The following FAR2 variants were observed in gnomAD, a reference collection of about 807,000 sequenced individuals.
FAR2 encodes fatty acyl-CoA reductase 2.
In FAR2, 19 loss-of-function variants were observed where a neutral mutation model predicts 56.0. The observed-to-expected ratio is 0.34, with a 90% CI of 0.24 to 0.50. The LOEUF is 0.50. FAR2 is among the 20% of genes least tolerant of loss of function. FAR2 has a pLI of 0.98. For synonymous variants in FAR2, 219 were observed against 218.8 expected, an observed-to-expected ratio of 1.00 and a Z score of -0.01; for missense variants, 508 against 642.2, an observed-to-expected ratio of 0.79 and a Z score of 2.26.
chr12:29,199,950 T>A (rs1350956715), intron 1 of FAR2, among the ~76,000 whole-genome samples: 1 of 151,762 alleles, frequency 6.6e-6, no homozygotes, highest in African/African-American at 2.4e-5. Context: ...CTGAATAGAG[T>A]AGTAGAAAAC....
chr12:29,170,132 A>G (rs1949871084), intron 1 of FAR2, among the ~76,000 whole-genome samples: 1 of 152,226 alleles, frequency 6.6e-6, no homozygotes, highest in South Asian at 2.1e-4. Flanking sequence ...GGTTTGGCTG[A>G]GTGCAAACAG....
At chr12:29,321,953 G>A (rs748810979) in intron 10 of FAR2, 29 bp downstream of exon 10, 17 of 1,587,800 alleles carry the variant, frequency 1.1e-5, no homozygotes, top group Admixed American at 1.8e-5. Context: ...TAAGCACCAG[G>A]AAAATGCTAC....
At chr12:29,277,003 TCTCA>T (rs1948711688) in intron 2 of FAR2, among the ~76,000 whole-genome samples, 1 of 151,716 alleles carries the variant, frequency 6.6e-6, no homozygotes, top group African/African-American at 2.4e-5. Context: ...TGAGACGGAG[TCTCA>T]CTCTGTCACC....
chr12:29,322,021 G>C, intron 10 of FAR2, 97 bp downstream of exon 10: 1 of 1,364,174 alleles, frequency 7.3e-7, no homozygotes, highest in Non-Finnish European at 9.7e-7. Context: ...AAGACGTTTG[G>C]TTATAGACAC....
At chr12:29,163,081 C>G (rs997367255) in intron 1 of FAR2, among the ~76,000 whole-genome samples, 1 of 152,156 alleles carries the variant, frequency 6.6e-6, no homozygotes, top group East Asian at 1.9e-4. Context: ...TCAACTCAGC[C>G]CAGAGTGAGG....
chr12:29,191,263 G>T (rs1173055308), intron 1 of FAR2, among the ~76,000 whole-genome samples: 1 of 152,222 alleles, frequency 6.6e-6, no homozygotes, highest in East Asian at 1.9e-4. Context: ...AGTCCTGTCT[G>T]CATTTCCCCC....
At chr12:29,222,365 T>C (rs1027311061) in intron 1 of FAR2, among the ~76,000 whole-genome samples, 1 of 152,228 alleles carries the variant, frequency 6.6e-6, no homozygotes, top group African/African-American at 2.4e-5. Flanking sequence ...AGAAAGATTT[T>C]ATTCAAGACT....
In FAR2 at chr12:29,293,423, A is replaced by G; in HGVS notation, c.313A>G (p.Thr105Ala). Residue 105 changes from threonine (T) to alanine (A), a missense_variant, in exon 3 of 12, where the codon ACA becomes GCA. Coordinates refer to ENST00000536681, the MANE Select transcript of FAR2 (RefSeq NM_001271783.2). ...KEDMQELLSC[T>A]NIIFHCAATV... ...GGACATGCAGGAGCTTCTCTCCTGTACAAACATAATATTTCACTGTGCAGC... is the reference window on the plus strand; with the variant it reads ...GGACATGCAGGAGCTTCTCTCCTGTGCAAACATAATATTTCACTGTGCAGC... The G allele has an allele frequency of 4.3e-6, 7 of 1,609,582 alleles. No individual in the cohort carries two copies. The highest frequency in any genetic ancestry group is 5.9e-6 in the Non-Finnish European group (7 of 1,178,528).
intron 1 of FAR2, among the ~76,000 whole-genome samples, chr12:29,256,825 G>A (rs1455303567): frequency 2.6e-5 from 4 of 152,238 alleles, no homozygotes; most frequent in Non-Finnish European, 4.4e-5. Flanking sequence ...CCCCAGCAGT[G>A]CCAGCCCAAC....
intron 4 of FAR2, among the ~76,000 whole-genome samples, chr12:29,302,807 G>A (rs1236427583): frequency 6.6e-6 from 1 of 152,040 alleles, no homozygotes; most frequent in African/African-American, 2.4e-5. Flanking sequence ...CGGAGGAAGC[G>A]AGACCCATTA....
At chr12:29,149,468 G>A (rs1591817949) in intron 1 of FAR2, 61 bp downstream of exon 1, 1 of 152,324 alleles carries the variant, frequency 6.6e-6, no homozygotes, top group Admixed American at 6.5e-5. Flanking sequence ...AGCAGAGACC[G>A]GACTGGGGGT....
At chr12:29,223,347 G>A (rs773109929) in intron 1 of FAR2, among the ~76,000 whole-genome samples, 1 of 152,164 alleles carries the variant, frequency 6.6e-6, no homozygotes, top group Non-Finnish European at 1.5e-5. Flanking sequence ...TGGGAGGTAG[G>A]TAGGAGAATT....
chr12:29,166,396 G>A (rs1949828566), intron 1 of FAR2, among the ~76,000 whole-genome samples: 1 of 152,146 alleles, frequency 6.6e-6, no homozygotes, highest in African/African-American at 2.4e-5. Flanking sequence ...ACCTTGTGAG[G>A]TGGACCAAGT....
chr12:29,333,770 A>G lies in FAR2; in HGVS notation c.1524A>G (p.Arg508=), dbSNP rs537337952. 3 of 1,613,770 alleles carry G rather than the reference A, an allele frequency of 1.9e-6. No homozygotes were observed. In the African/African-American group the frequency reaches 4.0e-5, roughly 22 times the overall value. ...GTTATAAATTCCTCTCCTACTTTAG[A>G]GCATCCAGCACGCTCAAAGTTTAAG... is the stretch of plus-strand genomic sequence containing the variant. ...SFCYKFLSYF[R]ASSTLKV is the part of the protein sequence containing the mutation. Residue 508 remains arginine, a synonymous_variant, in exon 12 of 12, where the codon AGA becomes AGG. Transcript: ENST00000536681.
At chr12:29,247,265 GGA>G (rs892837813) in intron 1 of FAR2, among the ~76,000 whole-genome samples, 2 of 152,148 alleles carry the variant, frequency 1.3e-5, no homozygotes, top group African/African-American at 4.8e-5. Context: ...CTAAGCTCCT[GGA>G]GTCTCACTGT....
chr12:29,208,576 A>G (rs1021798428), intron 1 of FAR2, among the ~76,000 whole-genome samples: 2 of 152,176 alleles, frequency 1.3e-5, no homozygotes, highest in African/African-American at 4.8e-5. Flanking sequence ...TTGGCTTCAC[A>G]AGAAGTGTAA....
Position 29,333,825 on chromosome 12 carries a change from C to G in FAR2, c.*31C>G. 1 of 1,599,230 alleles carries G rather than the reference C, an allele frequency of 6.3e-7. No individual in the cohort carries two copies. The highest frequency in any genetic ancestry group is 8.6e-7 in the Non-Finnish European group (1 of 1,169,152). On this transcript the variant is annotated 3_prime_UTR_variant, in exon 12 of 12. Coordinates refer to ENST00000536681, the MANE Select transcript of FAR2 (RefSeq NM_001271783.2). The stretch of plus-strand genomic sequence containing the variant: ...TTTAGCCATCGCTTTTTATCTGGAA[C>G]CTCTCAGATACCTCTAAAACAGCAA...
chr12:29,251,250 GA>G (rs1483287463), intron 1 of FAR2, among the ~76,000 whole-genome samples: 1 of 152,198 alleles, frequency 6.6e-6, no homozygotes, highest in Non-Finnish European at 1.5e-5. Context: ...TACAGACCTA[GA>G]ACCTTTTGAA....
chr12:29,259,430 C>T (rs771877022), intron 1 of FAR2, among the ~76,000 whole-genome samples: 1 of 152,148 alleles, frequency 6.6e-6, no homozygotes, highest in Admixed American at 6.5e-5. Context: ...ATGTTTCTCT[C>T]CAGTGGACTA....
Sources: gnomAD v4.1 joint callset for allele counts (sites outside exome capture counted in the v4.1 genomes callset) on GRCh38, gnomAD v4.1.1 for gene constraint, MANE v1.5 for transcripts, NCBI Gene and HGNC (gene_info 2026-07-23, HGNC 2026-07-21) for gene names.